Variants in TNIP1 observed in about 807,000 individuals in gnomAD.
TNIP1 encodes the protein TNFAIP3 interacting protein 1.
In TNIP1, 22 loss-of-function variants were observed where a neutral mutation model predicts 86.6. The observed-to-expected ratio is 0.25, with a 90% CI of 0.18 to 0.36. The LOEUF (loss-of-function observed/expected upper bound fraction) is 0.36, where lower values mean the gene tolerates loss of function less well. Ranked by LOEUF, TNIP1 falls within the 10% of genes least tolerant of loss-of-function variation. The pLI, the probability that TNIP1 is intolerant of heterozygous loss-of-function variation, is 1.00. For synonymous variants in TNIP1, 294 were observed against 313.0 expected (o/e 0.94, Z 0.64); for missense variants, 709 against 820.6 (o/e 0.86, Z 1.66).
intron 1 of TNIP1, among the ~76,000 whole-genome samples, chr5:151,078,995 C>T (rs760226541): frequency 6.6e-6 from 1 of 152,074 alleles, no homozygotes; most frequent in Admixed American, 6.5e-5. Flanking sequence ...CCTGGGGCCC[C>T]GAAAAAACTG....
Position 151,030,724 on chromosome 5 carries a change from C to G in TNIP1, c.1900G>C (p.Gly634Arg). 6.2e-7 allele frequency: 1 copy of G among 1,612,116 alleles called. No individual in the cohort carries two copies. Among genetic ancestry groups the G allele is most frequent in the Non-Finnish European group, 8.5e-7 (1 of 1,179,414 alleles). Residue 634 changes from glycine (G) to arginine (R), a missense_variant, in exon 18 of 18, where the codon GGG becomes CGG. Gly to Arg is a moderately radical substitution (Grantham distance 125). Transcript: ENST00000521591. ...GACACAATCTGGTCTCACTGAGGCC[C>G]CTCACGGTCATTTTTTGGAGACTCT... is the stretch of plus-strand genomic sequence containing the variant. ...EPESPKNDRE[G>R]PQ
rs563214171 is a variant in TNIP1, at chr5:151,042,770, C to T, written c.1003-99G>A. 528 of 1,594,448 alleles carry T rather than the reference C, an allele frequency of 3.3e-4. 13 individuals carry two copies. The South Asian group carries it at 5.7e-3, about 17-fold the overall frequency. On this transcript the variant is annotated intron_variant, in intron 10 of 17. Coordinates refer to ENST00000521591, the MANE Select transcript of TNIP1 (RefSeq NM_006058.5). ...TGCCCCTGGGCCCTCCAACACTGCC[C>T]CCAACTTCTCCTCTGGGCCATACTG...
At chr5:151,067,183 A>G (rs931392590) in intron 1 of TNIP1, among the ~76,000 whole-genome samples, 15 of 152,252 alleles carry the variant, frequency 9.9e-5, no homozygotes, top group African/African-American at 3.1e-4. Flanking sequence ...TCTACAGCAT[A>G]GCACAAAGTG....
intron 7 of TNIP1, 114 bp from the exon 8 acceptor site, chr5:151,050,061 A>T: frequency 6.6e-7 from 1 of 1,523,152 alleles, no homozygotes; most frequent in South Asian, 1.2e-5. Flanking sequence ...GGAGTACTGC[A>T]GGATCCTGAA....
chr5:151,082,531 C>T (rs1172018677), upstream of TNIP1, among the ~76,000 whole-genome samples: 1 of 152,194 alleles, frequency 6.6e-6, no homozygotes, highest in Non-Finnish European at 1.5e-5. Context: ...TCCTGCAGGG[C>T]TCTCTTCCTA....
upstream of TNIP1, among the ~76,000 whole-genome samples, chr5:151,085,708 C>T (rs529403094): frequency 8.5e-5 from 13 of 152,312 alleles, no homozygotes; most frequent in African/African-American, 2.9e-4. Context: ...CTGGCCTCTC[C>T]GTCTCCAGGT....
At chr5:151,076,389 T>C (rs1763400698) in intron 1 of TNIP1, among the ~76,000 whole-genome samples, 1 of 152,198 alleles carries the variant, frequency 6.6e-6, no homozygotes, top group Non-Finnish European at 1.5e-5. Flanking sequence ...CAGCAAGGCC[T>C]GGCCCAGAGG....
rs952685233 is a variant in TNIP1 at position 151,065,051 on chromosome 5, G to A, written c.45C>T (p.Ser15=). ...CTGCGGATGCCTCTCCTGAGGGCAC[G>A]CTGCCCCCAGGGTCGTAGATCCGGT... is the stretch of plus-strand genomic sequence containing the variant. ...GPYRIYDPGG[S]VPSGEASAAF... is the part of the protein sequence containing the mutation. The change falls in exon 2 of 18, where the codon AGC becomes AGT. Residue 15 remains serine (S), a synonymous_variant. Transcript: ENST00000521591. 11 of 1,613,974 alleles carry A rather than the reference G, an allele frequency of 6.8e-6. No individual in the cohort carries two copies. The Admixed American group carries it at 8.3e-5, about 12-fold the overall frequency.
At chr5:151,083,552 G>A (rs937064178), upstream of TNIP1, among the ~76,000 whole-genome samples, 2 of 152,230 alleles carry the variant, frequency 1.3e-5, no homozygotes, top group African/African-American at 4.8e-5. Context: ...TGGGAGCTGA[G>A]TGACTCAGGC....
chr5:151,034,913 G>C, intron 15 of TNIP1, 89 bp downstream of exon 15: 1 of 1,458,370 alleles, frequency 6.9e-7, no homozygotes, highest in South Asian at 1.2e-5. Context: ...ATGTCCCCAC[G>C]CCCGAGCACA....
chr5:151,043,210 G>A (rs1758683019), intron 9 of TNIP1, among the ~76,000 whole-genome samples: 1 of 152,134 alleles, frequency 6.6e-6, no homozygotes, highest in Non-Finnish European at 1.5e-5. Flanking sequence ...ACATAGTTTT[G>A]GTGAATAATT....
intron 12 of TNIP1, among the ~76,000 whole-genome samples, chr5:151,038,464 G>C (rs1010127871): frequency 1.3e-5 from 2 of 152,182 alleles, no homozygotes; most frequent in African/African-American, 4.8e-5. Flanking sequence ...GGAGAGGCTG[G>C]AGAGGCTAAG....
chr5:151,063,606 C>T lies in TNIP1; in HGVS notation c.271+7G>A. The T allele has an allele frequency of 6.2e-7, 1 of 1,613,976 alleles. No homozygotes were observed. Among genetic ancestry groups the T allele is most frequent in the Admixed American group, 1.7e-5 (1 of 60,002 alleles). The stretch of plus-strand genomic sequence containing the variant: ...GAGAGTCAGAGGTACCCAGACTCCT[C>T]TTATACCTGTGAGCTCAGCCAGGGG... On this transcript the variant is annotated splice_region_variant and intron_variant, in intron 3 of 17. Transcript: ENST00000521591.
At chr5:151,034,958 G>T in intron 15 of TNIP1, 44 bp downstream of exon 15, 1 of 1,608,866 alleles carries the variant, frequency 6.2e-7, no homozygotes, top group Non-Finnish European at 8.5e-7. Context: ...CCATGAGGAA[G>T]GTAAGAGGAT....
intron 11 of TNIP1, among the ~76,000 whole-genome samples, chr5:151,040,121 A>C (rs115608791): frequency 6.6e-6 from 1 of 152,346 alleles, no homozygotes; most frequent in African/African-American, 2.4e-5. Context: ...AGGGGATGGC[A>C]GCACAGTGCA....
At chr5:151,075,492 C>A (rs1718142229) in intron 1 of TNIP1, among the ~76,000 whole-genome samples, 1 of 152,190 alleles carries the variant, frequency 6.6e-6, no homozygotes, top group South Asian at 2.1e-4. Flanking sequence ...CTGCCTCCCT[C>A]CCTCCCCACT....
intron 6 of TNIP1, 43 bp from the exon 7 acceptor site, chr5:151,052,302 C>A (rs1760046262): frequency 6.4e-7 from 1 of 1,557,854 alleles, no homozygotes; most frequent in African/African-American, 1.4e-5. Context: ...AAGGAGGGGC[C>A]CCTCCCAGGT....
chr5:151,055,397 T>C (rs1289777913), intron 6 of TNIP1, among the ~76,000 whole-genome samples: 2 of 152,144 alleles, frequency 1.3e-5, no homozygotes, highest in Non-Finnish European at 2.9e-5. Flanking sequence ...GAAAAGTGGA[T>C]GCGCAAAGTG....
intron 7 of TNIP1, 103 bp from the exon 8 acceptor site, chr5:151,050,050 G>A: frequency 6.4e-7 from 1 of 1,559,192 alleles, no homozygotes; most frequent in Admixed American, 1.8e-5. Context: ...CTGAGCCCCA[G>A]GGAGTACTGC....
Sources: gnomAD v4.1 joint callset for allele counts (sites outside exome capture counted in the v4.1 genomes callset) on GRCh38, gnomAD v4.1.1 for gene constraint, MANE v1.5 for transcripts, NCBI Gene and HGNC (gene_info 2026-07-23, HGNC 2026-07-21) for gene names.